The following SBF2 variants were observed in gnomAD, a reference collection of about 807,000 sequenced individuals.
SBF2 encodes SET binding factor 2.
Under a neutral mutation model 225.2 loss-of-function variants are expected in SBF2, and 112 were observed. That is an observed-to-expected ratio of 0.50 (90% CI 0.43 to 0.58). The LOEUF is 0.58. Ranked by LOEUF, SBF2 falls within the 20% of genes least tolerant of loss-of-function variation. SBF2 has a pLI of 0.00. For missense variants in SBF2, 1,996 were observed against 2,206.2 expected, an observed-to-expected ratio of 0.90 and a Z score of 1.91; for synonymous variants, 763 against 773.3, an observed-to-expected ratio of 0.99 and a Z score of 0.22.
At chr11:10,018,709 T>G (rs964827215) in intron 6 of SBF2, among the ~76,000 whole-genome samples, 2 of 152,210 alleles carry the variant, frequency 1.3e-5, no homozygotes, top group African/African-American at 4.8e-5. Context: ...CACATGTGAT[T>G]TGAGCAAGCA....
chr11:9,929,531 A>G (rs777563801), intron 16 of SBF2, among the ~76,000 whole-genome samples: 2 of 152,194 alleles, frequency 1.3e-5, no homozygotes, highest in Admixed American at 6.5e-5. Context: ...AATCCTGGCG[A>G]AACCATTACA....
At chr11:10,024,675 A>C (rs951632989) in intron 6 of SBF2, among the ~76,000 whole-genome samples, 2 of 152,126 alleles carry the variant, frequency 1.3e-5, no homozygotes, top group African/African-American at 4.8e-5. Flanking sequence ...AACAGCCAGA[A>C]TTTGGGATGC....
chr11:10,256,241 C>T lies in SBF2; in HGVS notation c.55+37774G>A, dbSNP rs151028394. 1.6e-3 allele frequency among the ~76,000 whole-genome samples: 246 copies of T among 152,264 alleles called. 1 individual carries two copies. The highest frequency in any genetic ancestry group is 5.6e-3 in the African/African-American group (231 of 41,548). On this transcript the variant is annotated intron_variant, in intron 1 of 39. Transcript: ENST00000256190. ...TTGATTATTGTCAAAATTTAGCTTC[C>T]CAACTCTGCCCCTATTATGACTGTA...
intron 18 of SBF2, among the ~76,000 whole-genome samples, chr11:9,857,788 A>T (rs1377171611): frequency 6.6e-6 from 1 of 152,216 alleles, no homozygotes; most frequent in African/African-American, 2.4e-5. Context: ...AAACATAGAG[A>T]AACATGTAGA....
Position 10,029,468 on chromosome 11 carries a change from C to T in SBF2, c.513+297G>A, listed in dbSNP as rs181190005. On this transcript the variant is annotated intron_variant, in intron 5 of 39. Transcript: ENST00000256190. The stretch of plus-strand genomic sequence containing the variant: ...TAAAAGAGAACATTTAAAAGTTCAA[C>T]TTAATATATTTCCAAGAAAATACAA... 2.7e-3 allele frequency among the ~76,000 whole-genome samples: 411 copies of T among 152,190 alleles called. 4 individuals carry two copies. The highest frequency in any genetic ancestry group is 9.7e-3 in the African/African-American group (402 of 41,522).
At chr11:10,074,273 C>T (rs931919426) in intron 2 of SBF2, among the ~76,000 whole-genome samples, 3 of 152,022 alleles carry the variant, frequency 2.0e-5, no homozygotes, top group Non-Finnish European at 4.4e-5. Context: ...AGAACCCTAC[C>T]TTATACAACT....
At chr11:10,273,026 C>T (rs7107951) in intron 1 of SBF2, among the ~76,000 whole-genome samples, 71,137 of 149,456 alleles carry the variant, frequency 0.48, 17,333 homozygotes, top group Non-Finnish European at 0.54. Context: ...GCCAAGATCG[C>T]GCCACTGCAC....
At chr11:9,938,375 C>T (rs1384253758) in intron 16 of SBF2, among the ~76,000 whole-genome samples, 1 of 151,216 alleles carries the variant, frequency 6.6e-6, no homozygotes. Context: ...GGTTTGCACT[C>T]TCAATTCCAG....
intron 16 of SBF2, chr11:9,956,991 A>AT (rs1359143271): frequency 6.6e-6 from 1 of 152,218 alleles, no homozygotes; most frequent in Non-Finnish European, 1.5e-5. Flanking sequence ...AACTCTACAG[A>AT]TTTGATTAAA....
intron 26 of SBF2, among the ~76,000 whole-genome samples, chr11:9,833,481 C>T (rs1277664678): frequency 6.9e-6 from 1 of 145,468 alleles, no homozygotes; most frequent in East Asian, 2.0e-4. Flanking sequence ...AGTGCAGTGG[C>T]ACGATCTCGG....
chr11:9,780,613 A>C (rs2133839601), intron 39 of SBF2, 97 bp from the exon 40 acceptor site: 1 of 927,018 alleles, frequency 1.1e-6, no homozygotes, highest in Non-Finnish European at 1.7e-6. Context: ...TTTCTTTTCC[A>C]TACTGCCCCA....
At chr11:9,896,520 G>A (rs1247301489) in intron 16 of SBF2, among the ~76,000 whole-genome samples, 1 of 152,044 alleles carries the variant, frequency 6.6e-6, no homozygotes, top group Non-Finnish European at 1.5e-5. Flanking sequence ...GGCTGGGCGC[G>A]GTGGCTCATG....
chr11:10,041,397 A>T (rs1301670583), intron 3 of SBF2, among the ~76,000 whole-genome samples: 1 of 152,192 alleles, frequency 6.6e-6, no homozygotes, highest in Non-Finnish European at 1.5e-5. Context: ...AACTTCAAAT[A>T]GAAGCAACAG....
At chr11:9,977,305 G>A (rs1946739918) in intron 13 of SBF2, among the ~76,000 whole-genome samples, 1 of 151,868 alleles carries the variant, frequency 6.6e-6, no homozygotes, top group Admixed American at 6.6e-5. Context: ...GCAACATAGT[G>A]AGACCCTATC....
rs1472997643 is a variant in SBF2 at position 10,017,328 on chromosome 11, T to C, written c.619+11124A>G. Reference sequence around the variant, plus strand: ...GAAGACCATGTTTCAAAACAGAATATAGTTCAAAAAGCCCTGCACAATTTA... The same window carrying C: ...GAAGACCATGTTTCAAAACAGAATACAGTTCAAAAAGCCCTGCACAATTTA... On this transcript the variant is annotated intron_variant, in intron 6 of 39. Coordinates refer to ENST00000256190, the MANE Select transcript of SBF2 (RefSeq NM_030962.4). 2.0e-5 allele frequency among the ~76,000 whole-genome samples: 3 copies of C among 152,222 alleles called. No homozygotes were observed. In the East Asian group the frequency reaches 5.8e-4, roughly 29 times the overall value.
At chr11:10,164,033 C>A (rs1489795955) in intron 2 of SBF2, among the ~76,000 whole-genome samples, 1 of 152,154 alleles carries the variant, frequency 6.6e-6, no homozygotes, top group African/African-American at 2.4e-5. Context: ...GCTTCTCTCC[C>A]AGTTATCCAA....
chr11:10,173,239 T>A (rs974901468), intron 2 of SBF2, among the ~76,000 whole-genome samples: 2 of 152,166 alleles, frequency 1.3e-5, no homozygotes, highest in Non-Finnish European at 2.9e-5. Context: ...TGCATTTCCA[T>A]CTGAGGTACC....
At chr11:10,046,843 G>A (rs1252615802) in intron 2 of SBF2, among the ~76,000 whole-genome samples, 4 of 129,982 alleles carry the variant, frequency 3.1e-5, no homozygotes, top group Non-Finnish European at 6.5e-5. Context: ...TTTGTTCACA[G>A]ATGACATGAT....
chr11:10,143,373 T>A (rs1954740826), intron 2 of SBF2, among the ~76,000 whole-genome samples: 1 of 152,140 alleles, frequency 6.6e-6, no homozygotes, highest in Non-Finnish European at 1.5e-5. Context: ...GGTTTCACCA[T>A]GTTGGTCAGG....
Sources: gnomAD v4.1 joint callset for allele counts (sites outside exome capture counted in the v4.1 genomes callset) on GRCh38, gnomAD v4.1.1 for gene constraint, MANE v1.5 for transcripts, NCBI Gene and HGNC (gene_info 2026-07-23, HGNC 2026-07-21) for gene names.